Variants in SLAMF8 observed in about 807,000 individuals in gnomAD.
SLAMF8 encodes the protein B lymphocyte activator macrophage expressed.
A neutral mutation model predicts 29.0 loss-of-function variants in SLAMF8; 23 were observed. The ratio of observed to expected loss-of-function variants is 0.79; its 90% CI spans 0.57 to 1.13. The LOEUF (loss-of-function observed/expected upper bound fraction) is 1.13, where lower values mean the gene tolerates loss of function less well. Ranked by LOEUF, SLAMF8 falls within the 50% of genes most tolerant of loss-of-function variation. The pLI is 0.00. For missense variants in SLAMF8, 381 were observed against 353.1 expected (o/e 1.08, Z -0.63); for synonymous variants, 139 against 145.6 (o/e 0.96, Z 0.32).
Position 159,836,824 on chromosome 1 carries a change from C to T in SLAMF8, c.*1564C>T. 3 of 985,394 alleles carry T rather than the reference C, an allele frequency of 3.0e-6. No homozygotes were observed. Among genetic ancestry groups the T allele is most frequent in the Non-Finnish European group, 3.6e-6 (3 of 830,024 alleles). The allele number at this position is 985,394 out of a possible 1,614,324, so 61.0% of individuals were successfully genotyped here. A position where few individuals can be genotyped will look rare whatever the true frequency, so the allele number is the denominator to read the frequency against. On this transcript the variant is annotated 3_prime_UTR_variant, in exon 5 of 5. Coordinates refer to ENST00000289707, the MANE Select transcript of SLAMF8 (RefSeq NM_020125.3). The stretch of plus-strand genomic sequence containing the variant: ...ACCTGGCTTTATCAAATTCTCATCC[C>T]TTTCCCACACCCACTTCTCTCCTAT...
At chr1:159,829,477 C>T (rs1380191117) in intron 1 of SLAMF8, among the ~76,000 whole-genome samples, 1 of 152,228 alleles carries the variant, frequency 6.6e-6, no homozygotes, top group Admixed American at 6.5e-5. Flanking sequence ...CTGCTCCAGG[C>T]CGCCCTCGGC....
chr1:159,829,780 A>G, intron 1 of SLAMF8, 86 bp from the exon 2 acceptor site: 3 of 1,464,058 alleles, frequency 2.0e-6, no homozygotes, highest in Non-Finnish European at 1.8e-6. Flanking sequence ...GAGGGGCCCC[A>G]ATTCACCCTA....
chr1:159,828,785 G>T (rs1451447731), intron 1 of SLAMF8, among the ~76,000 whole-genome samples: 6 of 152,144 alleles, frequency 3.9e-5, no homozygotes, highest in Non-Finnish European at 5.9e-5. Context: ...GAGGGATAGG[G>T]GAGGTCGGAG....
chr1:159,828,064 C>T (rs1208524818), intron 1 of SLAMF8, among the ~76,000 whole-genome samples: 1 of 152,192 alleles, frequency 6.6e-6, no homozygotes, highest in African/African-American at 2.4e-5. Context: ...AAACTCCTGA[C>T]CTCAAGTGAT....
rs1338009310 is a variant in SLAMF8, at chr1:159,836,985, A to G, written c.*1725A>G. On this transcript the variant is annotated 3_prime_UTR_variant, in exon 5 of 5. Coordinates refer to ENST00000289707, the MANE Select transcript of SLAMF8 (RefSeq NM_020125.3). ...GCAAAACTGGCCTCAGTCCCTAAAAATGATGTGGAAAGGAAAGCCCAGGAT... is the reference window on the plus strand; with the variant it reads ...GCAAAACTGGCCTCAGTCCCTAAAAGTGATGTGGAAAGGAAAGCCCAGGAT... 7 of 985,298 alleles carry G rather than the reference A, an allele frequency of 7.1e-6. No homozygotes were observed. The highest frequency in any genetic ancestry group is 6.2e-5 in the Admixed American group (1 of 16,248). 61.0% of individuals were successfully genotyped at this position (985,298 alleles called of 1,614,324 possible). A position where few individuals can be genotyped will look rare whatever the true frequency, so the allele number is the denominator to read the frequency against.
Position 159,835,688 on chromosome 1 carries a change from A to G in SLAMF8, c.*428A>G. ...AAAGATATTACATATTTGAACTAATAGAGGAACTCTGAGTCACCCATGCCA... is the reference window on the plus strand; with the variant it reads ...AAAGATATTACATATTTGAACTAATGGAGGAACTCTGAGTCACCCATGCCA... On this transcript the variant is annotated 3_prime_UTR_variant, in exon 5 of 5. Coordinates refer to ENST00000289707, the MANE Select transcript of SLAMF8 (RefSeq NM_020125.3). 4 of 988,694 alleles carry G rather than the reference A, an allele frequency of 4.0e-6. No individual in the cohort carries two copies. Among genetic ancestry groups the G allele is most frequent in the Non-Finnish European group, 4.8e-6 (4 of 832,054 alleles). The allele number at this position is 988,694 out of a possible 1,614,324, so 61.2% of individuals were successfully genotyped here.
intron 2 of SLAMF8, among the ~76,000 whole-genome samples, chr1:159,830,453 T>C (rs1647415414): frequency 6.6e-6 from 1 of 152,178 alleles, no homozygotes; most frequent in Non-Finnish European, 1.5e-5. Flanking sequence ...TTGGACACAA[T>C]GCTTAGCCTC....
intron 1 of SLAMF8, among the ~76,000 whole-genome samples, chr1:159,828,810 A>G (rs1647252917): frequency 1.3e-5 from 2 of 151,826 alleles, no homozygotes; most frequent in East Asian, 3.9e-4. Context: ...CAGTGATGCT[A>G]CAAGAGTGGG....
rs770433211 is a variant in SLAMF8, at chr1:159,832,838, T to C, written c.368-38T>C. ...CCAGAGATGTGGGCCCTGCCCAGCA[T>C]CCCTGAGACCCATACCAGCTGTACT... On this transcript the variant is annotated intron_variant, in intron 2 of 4. Coordinates refer to ENST00000289707, the MANE Select transcript of SLAMF8 (RefSeq NM_020125.3). 1.0e-4 allele frequency: 165 copies of C among 1,593,942 alleles called. 1 individual carries two copies. Among genetic ancestry groups the C allele is most frequent in the Non-Finnish European group, 1.2e-4 (139 of 1,167,096 alleles).
chr1:159,829,582 C>A lies in SLAMF8; in HGVS notation c.41-284C>A, dbSNP rs546851623. Among the ~76,000 whole-genome samples, 10 of 152,336 alleles carry A rather than the reference C, an allele frequency of 6.6e-5. 1 individual carries two copies. The highest frequency in any genetic ancestry group is 2.6e-4 in the Admixed American group (4 of 15,312). On this transcript the variant is annotated intron_variant, in intron 1 of 4. Transcript: ENST00000289707. ...TGGGTGAGATCCCCTGTCACCCTAC[C>A]TGTGTTCTCCCAGGGCATCTCATTT...
At position 159,830,165 on chromosome 1, in the gene SLAMF8, AC is replaced by A. The variant is rs1557888469; in HGVS notation, c.343del (p.Gln115ArgfsTer22). ...LMVDTRGQPW[T>X]QTLQLKVYDA... is the part of the protein sequence containing the mutation. ...GGTGGACACAAGGGGCCAGCCCTGG[AC>A]CCAGACCCTCCAGCTCAAGGTGTAC... On this transcript the variant is annotated frameshift_variant, in exon 2 of 5. Transcript: ENST00000289707. LOFTEE classifies it high-confidence loss of function. The A allele has an allele frequency of 6.2e-7, 1 of 1,608,806 alleles. No individual in the cohort carries two copies. The highest frequency in any genetic ancestry group is 1.7e-5 in the Admixed American group (1 of 59,724).
chr1:159,829,184 T>G (rs1366927886), intron 1 of SLAMF8, among the ~76,000 whole-genome samples: 2 of 152,164 alleles, frequency 1.3e-5, no homozygotes, highest in Admixed American at 6.5e-5. Context: ...CCTGCCCACC[T>G]CCAGTGCATT....
intron 2 of SLAMF8, among the ~76,000 whole-genome samples, chr1:159,831,138 G>T (rs1647459827): frequency 6.6e-6 from 1 of 152,172 alleles, no homozygotes; most frequent in African/African-American, 2.4e-5. Flanking sequence ...TACCTAATGG[G>T]CTAGAAAAGA....
In SLAMF8 at chr1:159,835,371, G is replaced by A. The variant is rs1647844675; in HGVS notation, c.*111G>A. 6.9e-7 allele frequency: 1 copy of A among 1,456,114 alleles called. No individual in the cohort carries two copies. Among genetic ancestry groups the A allele is most frequent in the African/African-American group, 1.4e-5 (1 of 69,684 alleles). 90.2% of individuals were successfully genotyped at this position (1,456,114 alleles called of 1,614,324 possible). ...TCACCATGGTCCTCATATCTCCCAT[G>A]GGAATCCTGTCCTGCCTCGAAGGAG... On this transcript the variant is annotated 3_prime_UTR_variant, in exon 5 of 5. Transcript: ENST00000289707.
intron 1 of SLAMF8, among the ~76,000 whole-genome samples, chr1:159,828,863 G>A (rs1647255842): frequency 6.6e-6 from 1 of 152,102 alleles, no homozygotes; most frequent in African/African-American, 2.4e-5. Context: ...ACTTCAAGGA[G>A]AAGCGTCTCC....
In SLAMF8 at chr1:159,833,094, G is replaced by A; in HGVS notation, c.586G>A (p.Asp196Asn). ...CATTTCCCTGGGACCAGGAGACAGA[G>A]ATGTGGCCTATTCCTGCATTGTCTC... is the stretch of plus-strand genomic sequence containing the variant. ...LSISLGPGDR[D>N]VAYSCIVSNP... Residue 196 changes from aspartate to asparagine, a missense_variant, in exon 3 of 5, where the codon GAT (aspartate) becomes AAT (asparagine). Coordinates refer to ENST00000289707, the MANE Select transcript of SLAMF8 (RefSeq NM_020125.3). 1 of 1,614,232 alleles carries A rather than the reference G, an allele frequency of 6.2e-7. No homozygotes were observed. Among genetic ancestry groups the A allele is most frequent in the South Asian group, 1.1e-5 (1 of 91,080 alleles).
chr1:159,830,706 T>C (rs2101788397), intron 2 of SLAMF8, among the ~76,000 whole-genome samples: 1 of 152,274 alleles, frequency 6.6e-6, no homozygotes, highest in South Asian at 2.1e-4. Context: ...TACTAAACTA[T>C]GACATAATGG....
Position 159,836,965 on chromosome 1 carries a change from A to T in SLAMF8, c.*1705A>T. 1.0e-6 allele frequency: 1 copy of T among 985,410 alleles called. No homozygotes were observed. Among genetic ancestry groups the T allele is most frequent in the Non-Finnish European group, 1.2e-6 (1 of 829,968 alleles). 61.0% of individuals were successfully genotyped at this position (985,410 alleles called of 1,614,324 possible). On this transcript the variant is annotated 3_prime_UTR_variant, in exon 5 of 5. Coordinates refer to ENST00000289707, the MANE Select transcript of SLAMF8 (RefSeq NM_020125.3). ...ATGCCTGGTCACTGAATCATGCAAA[A>T]CTGGCCTCAGTCCCTAAAAATGATG...
In SLAMF8 at chr1:159,835,319, C is replaced by A; in HGVS notation, c.*59C>A. The A allele has an allele frequency of 6.3e-7, 1 of 1,578,364 alleles. No homozygotes were observed. The highest frequency in any genetic ancestry group is 1.4e-5 in the African/African-American group (1 of 73,542). ...AACCCCACTGCACAGGCACACGATG[C>A]TCTGGGACATAACTGGTGCCTGGAA... On this transcript the variant is annotated 3_prime_UTR_variant, in exon 5 of 5. Coordinates refer to ENST00000289707, the MANE Select transcript of SLAMF8 (RefSeq NM_020125.3).
Sources: allele counts gnomAD v4.1 joint callset (sites outside exome capture counted in the v4.1 genomes callset), GRCh38; gene constraint gnomAD v4.1.1; transcripts MANE v1.5; gene names NCBI Gene and HGNC (gene_info 2026-07-23, HGNC 2026-07-21).